The following LIMCH1 variants were observed in gnomAD, a reference collection of about 807,000 sequenced individuals.
LIMCH1 encodes the protein LIM and calponin homology domains 1, also known as LIM and calponin homology domains-containing protein 1.
LIMCH1 carries 113 observed loss-of-function variants against 176.5 expected under a neutral mutation model. The ratio of observed to expected loss-of-function variants is 0.64; its 90% CI spans 0.55 to 0.75. The LOEUF (loss-of-function observed/expected upper bound fraction) is 0.75. LIMCH1 is among the 30% of genes least tolerant of loss of function. LIMCH1 has a pLI of 0.00. For synonymous variants in LIMCH1, 619 were observed against 645.9 expected (o/e 0.96, Z 0.63); for missense variants, 1,674 against 1,814.9 (o/e 0.92, Z 1.41).
Position 41,419,583 on chromosome 4 carries a change from CT to C in LIMCH1, c.96+58649del, listed in dbSNP as rs1280504329. Among the ~76,000 whole-genome samples the C allele has an allele frequency of 5.8e-3, 483 of 82,826 alleles. 5 individuals are homozygous for C. Among genetic ancestry groups the C allele is most frequent in the African/African-American group, 0.044 (450 of 10,228 alleles). 54.3% of individuals were successfully genotyped at this position (82,826 alleles called of 152,430 possible). On this transcript the variant is annotated intron_variant, in intron 1 of 26. Transcript: ENST00000313860. Reference sequence around the variant, plus strand: ...TTCCCCTTCCTTCCTTCCTTCCTTCCTTCCTTCCTTCCTTCCTTCCGTCCTT... The same window carrying C: ...TTCCCCTTCCTTCCTTCCTTCCTTCCTCCTTCCTTCCTTCCTTCCGTCCTT...
intron 13 of LIMCH1, among the ~76,000 whole-genome samples, chr4:41,634,804 G>A (rs1338250257): frequency 6.6e-6 from 1 of 152,200 alleles, no homozygotes; most frequent in Non-Finnish European, 1.5e-5. Flanking sequence ...GGCTGATGTA[G>A]AGAAAAGCTG....
rs60475434 is a variant in LIMCH1 at position 41,663,134 on chromosome 4, C to CGTGTGTGTGTGTGT, written c.3291+176_3291+189dup. The CGTGTGTGTGTGTGT allele has an allele frequency of 7.6e-3, 3,074 of 406,426 alleles. 59 individuals carry two copies. Among genetic ancestry groups the CGTGTGTGTGTGTGT allele is most frequent in the Middle Eastern group, 0.013 (16 of 1,260 alleles). 25.2% of individuals were successfully genotyped at this position (406,426 alleles called of 1,614,324 possible). A position where few individuals can be genotyped will look rare whatever the true frequency, so the allele number is the denominator to read the frequency against. On this transcript the variant is annotated intron_variant, in intron 20 of 31. Transcript: ENST00000503057. ...TCTTTAATCTGTAGTTTTTCTTTTTCGTGTGTGTGTGTGTGTGTGTGTGTG... is the reference window on the plus strand; with the variant it reads ...TCTTTAATCTGTAGTTTTTCTTTTTCGTGTGTGTGTGTGTGTGTGTGTGTGTGTGTGTGTGTGTG...
intron 1 of LIMCH1, among the ~76,000 whole-genome samples, chr4:41,478,840 G>A (rs1215618620): frequency 6.6e-6 from 1 of 152,208 alleles, no homozygotes; most frequent in East Asian, 1.9e-4. Context: ...GTGACCAATA[G>A]TGAACTGGCA....
At chr4:41,435,321 G>A (rs1043031781) in intron 1 of LIMCH1, among the ~76,000 whole-genome samples, 3 of 152,186 alleles carry the variant, frequency 2.0e-5, no homozygotes, top group Admixed American at 1.3e-4. Flanking sequence ...CATGAGCAAA[G>A]GAAAACAGGT....
chr4:41,679,759 G>A (rs970038454), intron 23 of LIMCH1, among the ~76,000 whole-genome samples: 6 of 152,094 alleles, frequency 3.9e-5, no homozygotes, highest in African/African-American at 1.2e-4. Context: ...CCACCTTTCC[G>A]TCTTTTCTCT....
At chr4:41,561,863 T>C (rs2082109807) in intron 1 of LIMCH1, among the ~76,000 whole-genome samples, 1 of 152,210 alleles carries the variant, frequency 6.6e-6, no homozygotes, top group South Asian at 2.1e-4. Flanking sequence ...CACAAGAGCA[T>C]GCACTTCAGT....
intron 1 of LIMCH1, among the ~76,000 whole-genome samples, chr4:41,457,285 A>G (rs2064731201): frequency 6.6e-6 from 1 of 152,102 alleles, no homozygotes; most frequent in Non-Finnish European, 1.5e-5. Context: ...ATCTTGTTGA[A>G]TAGGTATAGA....
At chr4:41,382,400 G>A (rs28440882) in intron 1 of LIMCH1, among the ~76,000 whole-genome samples, 4,558 of 151,510 alleles carry the variant, frequency 0.03, 249 homozygotes, top group African/African-American at 0.1. Flanking sequence ...GCGGGGGAGG[G>A]AGGGGTGCTG....
intron 1 of LIMCH1, among the ~76,000 whole-genome samples, chr4:41,461,334 A>G (rs901122967): frequency 6.6e-6 from 1 of 152,210 alleles, no homozygotes; most frequent in African/African-American, 2.4e-5. Flanking sequence ...TGCTGGATGC[A>G]GTTTGTTTGG....
chr4:41,596,048 C>CAA (rs1452167402), intron 1 of LIMCH1, among the ~76,000 whole-genome samples: 32 of 100,662 alleles, frequency 3.2e-4, no homozygotes, highest in African/African-American at 2.1e-3. Context: ...GACTCCATCT[C>CAA]AAAAAAAAAA....
chr4:41,619,106 C>A (rs943172726), intron 5 of LIMCH1, 82 bp from the exon 6 acceptor site: 13 of 1,489,138 alleles, frequency 8.7e-6, no homozygotes, highest in South Asian at 2.4e-5. Context: ...ACAGATTGAA[C>A]CACATCCCTA....
intron 1 of LIMCH1, among the ~76,000 whole-genome samples, chr4:41,425,459 A>C (rs1192630723): frequency 6.6e-6 from 1 of 151,812 alleles, no homozygotes; most frequent in African/African-American, 2.4e-5. Flanking sequence ...CGATTCTCCC[A>C]CCTCAGCCTC....
At position 41,420,621 on chromosome 4, in the gene LIMCH1, G is replaced by C. The variant is rs545734107; in HGVS notation, c.96+59685G>C. Among the ~76,000 whole-genome samples the C allele has an allele frequency of 5.9e-3, 892 of 152,296 alleles. 3 individuals are homozygous for C. The highest frequency in any genetic ancestry group is 9.5e-3 in the Non-Finnish European group (644 of 68,018). On this transcript the variant is annotated intron_variant, in intron 1 of 26. Coordinates refer to the LIMCH1 transcript ENST00000313860. ...ACCACGCCTTAGGTTGACTTAACCC[G>C]ATTCCTCCTCCCCAAGGAGGTGAGA...
intron 20 of LIMCH1, 148 bp downstream of exon 20, chr4:41,663,132 T>G: frequency 1.4e-6 from 1 of 708,776 alleles, no homozygotes; most frequent in Non-Finnish European, 2.2e-6. Flanking sequence ...GTTTTTCTTT[T>G]TCGTGTGTGT....
chr4:41,417,123 C>T (rs891588933), intron 1 of LIMCH1, among the ~76,000 whole-genome samples: 2 of 94,578 alleles, frequency 2.1e-5, no homozygotes, highest in Admixed American at 1.1e-4. Context: ...ATGCTATAGG[C>T]ATTGTTTCTT....
At chr4:41,560,086 A>G (rs957728027) in intron 1 of LIMCH1, among the ~76,000 whole-genome samples, 5 of 152,058 alleles carry the variant, frequency 3.3e-5, no homozygotes, top group Admixed American at 6.6e-5. Context: ...GAATCAAACA[A>G]CCCGTTCCTC....
chr4:41,473,385 T>TGGTTGGAAAATGCATTA (rs1220720237), intron 1 of LIMCH1, among the ~76,000 whole-genome samples: 2 of 152,208 alleles, frequency 1.3e-5, no homozygotes, highest in Non-Finnish European at 2.9e-5. Flanking sequence ...GAGCTGTTGA[T>TGGTTGGAAAATGCATTA]GGTTGGAAAA....
rs572101984 is a variant in LIMCH1, at chr4:41,584,498, T to G, written c.-240-14422T>G. On this transcript the variant is annotated intron_variant, in intron 1 of 31. Coordinates refer to ENST00000503057, the MANE Select transcript of LIMCH1 (RefSeq NM_001330672.2). ...AAAGGGATTCTGAAGTCCAATAAGTTTAGGAAAAGCTGAGTTAAAATTAAG... is the reference window on the plus strand; with the variant it reads ...AAAGGGATTCTGAAGTCCAATAAGTGTAGGAAAAGCTGAGTTAAAATTAAG... Among the ~76,000 whole-genome samples, 9 of 152,292 alleles carry G rather than the reference T, an allele frequency of 5.9e-5. No individual in the cohort carries two copies. The South Asian group carries it at 1.7e-3, about 28-fold the overall frequency.
Position 41,620,594 on chromosome 4 carries a change from C to G in LIMCH1, c.629C>G (p.Pro210Arg), listed in dbSNP as rs1347516888. 2.6e-6 allele frequency: 4 copies of G among 1,536,008 alleles called. No individual in the cohort carries two copies. Among genetic ancestry groups the G allele is most frequent in the Non-Finnish European group, 3.5e-6 (4 of 1,146,936 alleles). Residue 210 changes from proline (P) to arginine (R), a missense_variant, in exon 7 of 32, where the codon CCC becomes CGC. Physicochemically the swap from Pro to Arg is moderately radical, Grantham distance 103 (BLOSUM62 -2). Transcript: ENST00000503057. The stretch of plus-strand genomic sequence containing the variant: ...GACGGGGCTGTGGTGGCACCAGCTC[C>G]CAAGTCTGAAGAAAAAGATGCTGCT... ...SSDGAVVAPA[P>R]KSEEKDAAEI...
Sources: allele counts gnomAD v4.1 joint callset (sites outside exome capture counted in the v4.1 genomes callset), GRCh38; gene constraint gnomAD v4.1.1; transcripts MANE v1.5; gene names NCBI Gene and HGNC (gene_info 2026-07-23, HGNC 2026-07-21).